Variants in RAB22A observed in about 807,000 individuals in gnomAD.
The protein encoded by RAB22A is RAB22A, member RAS oncogene family.
Under a neutral mutation model 30.2 loss-of-function variants are expected in RAB22A, and 13 were observed. The observed-to-expected ratio is 0.43, with a 90% CI of 0.28 to 0.68. The LOEUF is 0.68. Among genes scored for constraint, RAB22A ranks in the 30% least tolerant of loss-of-function variants. The pLI is 0.18. For missense variants in RAB22A, 177 were observed against 246.8 expected, an observed-to-expected ratio of 0.72 and a Z score of 1.89; for synonymous variants, 89 against 87.2, an observed-to-expected ratio of 1.02 and a Z score of -0.11.
intron 1 of RAB22A, among the ~76,000 whole-genome samples, chr20:58,310,578 C>G (rs1442711502): frequency 6.6e-6 from 1 of 152,180 alleles, no homozygotes; most frequent in Non-Finnish European, 1.5e-5. Flanking sequence ...TCAGGAAAGA[C>G]AAGGTGTTGG....
At position 58,360,626 on chromosome 20, in the gene RAB22A, A is replaced by C. The variant is rs897662316; in HGVS notation, c.*923A>C. 1.3e-5 allele frequency: 2 copies of C among 152,666 alleles called. No homozygotes were observed. Among genetic ancestry groups the C allele is most frequent in the African/African-American group, 4.8e-5 (2 of 41,456 alleles). The allele number at this position is 152,666 out of a possible 1,614,324, so 9.5% of individuals were successfully genotyped here. ...ATGGGGCCATTGCTTAAAGATTATA[A>C]ATTATGTAAATACATTAATAAATTC... On this transcript the variant is annotated 3_prime_UTR_variant, in exon 7 of 7. Transcript: ENST00000244040.
intron 2 of RAB22A, 70 bp from the exon 3 acceptor site, chr20:58,343,648 A>G (rs1455895874): frequency 5.8e-6 from 7 of 1,208,250 alleles, no homozygotes; most frequent in Non-Finnish European, 8.6e-6. Context: ...AGTCTAAGTG[A>G]TGTTTCCGAC....
At chr20:58,357,563 C>A (rs1300286008) in intron 6 of RAB22A, among the ~76,000 whole-genome samples, 3 of 152,084 alleles carry the variant, frequency 2.0e-5, no homozygotes, top group Non-Finnish European at 4.4e-5. Flanking sequence ...AAAATATTCT[C>A]CTCTTATTTC....
In RAB22A at chr20:58,341,270, A is replaced by G. The variant is rs528033937; in HGVS notation, c.117-2448A>G. ...GAAAGGAGGAGAGAGAATGTGGGAT[A>G]ATTGCTGTGGAATGGAAGAAGGCCT... On this transcript the variant is annotated intron_variant, in intron 2 of 6. Coordinates refer to ENST00000244040, the MANE Select transcript of RAB22A (RefSeq NM_020673.3). Among the ~76,000 whole-genome samples, 4 of 152,292 alleles carry G rather than the reference A, an allele frequency of 2.6e-5. No individual in the cohort carries two copies. In the South Asian group the frequency reaches 8.3e-4, roughly 32 times the overall value.
At chr20:58,313,632 A>G (rs1986274980) in intron 2 of RAB22A, among the ~76,000 whole-genome samples, 1 of 151,934 alleles carries the variant, frequency 6.6e-6, no homozygotes, top group South Asian at 2.1e-4. Flanking sequence ...CACTAAAACC[A>G]CCTTCCCCTG....
At chr20:58,354,770 AT>A (rs1987105773) in intron 6 of RAB22A, among the ~76,000 whole-genome samples, 1 of 152,252 alleles carries the variant, frequency 6.6e-6, no homozygotes, top group South Asian at 2.1e-4. Flanking sequence ...TGCAGATCGT[AT>A]CTATGTTTAT....
Position 58,359,853 on chromosome 20 carries a change from C to A in RAB22A, c.*150C>A. The A allele has an allele frequency of 1.8e-6, 1 of 552,536 alleles. No individual in the cohort carries two copies. The highest frequency in any genetic ancestry group is 3.1e-6 in the Non-Finnish European group (1 of 318,316). The allele number at this position is 552,536 out of a possible 1,614,324, so 34.2% of individuals were successfully genotyped here. On this transcript the variant is annotated 3_prime_UTR_variant, in exon 7 of 7. Coordinates refer to ENST00000244040, the MANE Select transcript of RAB22A (RefSeq NM_020673.3). ...CACAGAAATGGACCAGTTCTGTTCT[C>A]CAAAGACTGCAGCAATGATATTTCA...
chr20:58,359,514 ACTTC>A, intron 6 of RAB22A, 88 bp from the exon 7 acceptor site: 1 of 384,524 alleles, frequency 2.6e-6, no homozygotes, highest in Non-Finnish European at 3.9e-6. Context: ...TTTTTTTTTT[ACTTC>A]AGTGAAACCT....
intron 2 of RAB22A, among the ~76,000 whole-genome samples, chr20:58,315,527 G>A (rs977669102): frequency 1.3e-5 from 2 of 149,954 alleles, no homozygotes; most frequent in Non-Finnish European, 3.0e-5. Flanking sequence ...GAATATCTGC[G>A]CAAGTGACAG....
intron 2 of RAB22A, among the ~76,000 whole-genome samples, chr20:58,330,209 A>G (rs1986639469): frequency 6.6e-6 from 1 of 152,206 alleles, no homozygotes; most frequent in African/African-American, 2.4e-5. Flanking sequence ...TCCCCTGCGG[A>G]TACTGAAGGA....
chr20:58,339,935 G>A lies in RAB22A; in HGVS notation c.117-3783G>A, dbSNP rs149592718. Among the ~76,000 whole-genome samples the A allele has an allele frequency of 5.7e-3, 863 of 152,244 alleles. 3 individuals carry two copies. Among genetic ancestry groups the A allele is most frequent in the African/African-American group, 0.02 (816 of 41,538 alleles). ...GGGGCTAGCCCAGAGCTCGGGAGGC[G>A]CCACAGGCAACCTCCCCCTCCCATG... On this transcript the variant is annotated intron_variant, in intron 2 of 6. Coordinates refer to ENST00000244040, the MANE Select transcript of RAB22A (RefSeq NM_020673.3).
intron 2 of RAB22A, among the ~76,000 whole-genome samples, chr20:58,315,095 G>C (rs1409757092): frequency 6.6e-6 from 1 of 152,102 alleles, no homozygotes; most frequent in African/African-American, 2.4e-5. Flanking sequence ...GAGTCCGGAG[G>C]AGGAGCCGAC....
chr20:58,359,495 C>CTTTTT (rs3069388), intron 6 of RAB22A, 111 bp from the exon 7 acceptor site: 6 of 332,974 alleles, frequency 1.8e-5, no homozygotes, highest in South Asian at 5.1e-5. Context: ...GTTTATTAAA[C>CTTTTT]TTTTTTTTTT....
At chr20:58,316,846 G>A (rs1401854506) in intron 2 of RAB22A, among the ~76,000 whole-genome samples, 1 of 152,072 alleles carries the variant, frequency 6.6e-6, no homozygotes, top group African/African-American at 2.4e-5. Context: ...AGGACCAACT[G>A]TCCTCAGGTA....
intron 2 of RAB22A, among the ~76,000 whole-genome samples, chr20:58,324,761 G>C (rs1568866038): frequency 6.6e-6 from 1 of 151,286 alleles, no homozygotes. Context: ...CAGCTACTCA[G>C]GAGGCTGAGG....
chr20:58,330,730 C>T (rs957010928), intron 2 of RAB22A, among the ~76,000 whole-genome samples: 1 of 152,164 alleles, frequency 6.6e-6, no homozygotes, highest in African/African-American at 2.4e-5. Context: ...TATGGCCTAC[C>T]TCATTATCAT....
At chr20:58,323,002 G>A (rs571559927) in intron 2 of RAB22A, among the ~76,000 whole-genome samples, 9 of 152,166 alleles carry the variant, frequency 5.9e-5, no homozygotes, top group African/African-American at 1.2e-4. Flanking sequence ...ACACCAACAC[G>A]CTAATCCCTA....
intron 1 of RAB22A, among the ~76,000 whole-genome samples, 158 bp downstream of exon 1, chr20:58,310,170 A>G (rs1187460950): frequency 8.2e-6 from 1 of 122,618 alleles, no homozygotes; most frequent in Non-Finnish European, 1.7e-5. Flanking sequence ...CGTCCCGCCC[A>G]CCTCTTGCAC....
chr20:58,317,242 A>G (rs936895030), intron 2 of RAB22A, among the ~76,000 whole-genome samples: 9 of 151,974 alleles, frequency 5.9e-5, no homozygotes, highest in African/African-American at 1.9e-4. Flanking sequence ...GATTACAGGC[A>G]CCCACCACCA....
Sources: gnomAD v4.1 joint callset for allele counts (sites outside exome capture counted in the v4.1 genomes callset) on GRCh38, gnomAD v4.1.1 for gene constraint, MANE v1.5 for transcripts, NCBI Gene and HGNC (gene_info 2026-07-23, HGNC 2026-07-21) for gene names.